FUT8: variants seen among roughly 807,000 people sequenced by gnomAD.
The protein encoded by FUT8 is alpha-(1,6)-fucosyltransferase.
FUT8 carries 29 observed loss-of-function variants against 71.3 expected under a neutral mutation model. That is an observed-to-expected ratio of 0.41 (90% CI 0.30 to 0.55). The LOEUF is 0.55. FUT8 is among the 20% of genes least tolerant of loss of function. The pLI is 0.34. For missense variants in FUT8, 544 were observed against 702.1 expected (o/e 0.77, Z 2.55); for synonymous variants, 254 against 239.3 (o/e 1.06, Z -0.57).
At chr14:65,702,763 A>C (rs1218257933) in intron 7 of FUT8, among the ~76,000 whole-genome samples, 1 of 149,782 alleles carries the variant, frequency 6.7e-6, no homozygotes, top group East Asian at 2.4e-4. Flanking sequence ...TTTTTTAAAC[A>C]GAGTTTTGGT....
chr14:65,552,598 C>T (rs1009726569), intron 2 of FUT8, among the ~76,000 whole-genome samples: 4 of 152,074 alleles, frequency 2.6e-5, no homozygotes, highest in African/African-American at 9.7e-5. Context: ...AGGATGCTTC[C>T]GAAGTGATCA....
intron 7 of FUT8, among the ~76,000 whole-genome samples, chr14:65,694,013 G>A (rs557815349): frequency 1.3e-5 from 2 of 148,902 alleles, no homozygotes; most frequent in South Asian, 2.1e-4. Context: ...TCGTTTTAAC[G>A]TCCACGTGAT....
chr14:65,654,201 G>A (rs1002591025), intron 6 of FUT8, among the ~76,000 whole-genome samples: 2 of 152,148 alleles, frequency 1.3e-5, no homozygotes, highest in African/African-American at 4.8e-5. Flanking sequence ...TAAAAAGTAG[G>A]AAGGTTTCTG....
intron 7 of FUT8, among the ~76,000 whole-genome samples, chr14:65,690,538 A>C (rs527345813): frequency 6.6e-6 from 1 of 151,640 alleles, no homozygotes; most frequent in Admixed American, 6.6e-5. Context: ...ATTTATTTAG[A>C]TTTTCTTTGG....
chr14:65,688,154 C>T (rs1893390979), intron 7 of FUT8, among the ~76,000 whole-genome samples: 1 of 152,138 alleles, frequency 6.6e-6, no homozygotes, highest in Non-Finnish European at 1.5e-5. Flanking sequence ...AATTCTCTTG[C>T]TTTTGCCAAA....
chr14:65,421,666 T>C (rs375949843), intron 1 of FUT8, among the ~76,000 whole-genome samples: 1 of 152,072 alleles, frequency 6.6e-6, no homozygotes, highest in South Asian at 2.1e-4. Flanking sequence ...CCGAGTCATC[T>C]TTTTAAATTC....
chr14:65,416,315 CT>C (rs60272967), intron 1 of FUT8, among the ~76,000 whole-genome samples: 9,461 of 143,768 alleles, frequency 0.066, 475 homozygotes, highest in South Asian at 0.2. Flanking sequence ...ATTATGGTAC[CT>C]TTTTTTTTTT....
intron 2 of FUT8, among the ~76,000 whole-genome samples, chr14:65,493,799 C>T (rs1395500277): frequency 1.3e-5 from 2 of 148,210 alleles, no homozygotes; most frequent in Admixed American, 1.3e-4. Context: ...AAATTTTCTC[C>T]TTTTTTTTTT....
chr14:65,392,725 T>A, the FUT8 span, among the ~76,000 whole-genome samples: 1 of 152,224 alleles, frequency 6.6e-6, no homozygotes, highest in Non-Finnish European at 1.5e-5. Flanking sequence ...TTACTTAAAA[T>A]GGCAGTGTTT....
rs895670762 is a variant in FUT8 at position 65,603,639 on chromosome 14, T to G, written c.204-12339T>G. On this transcript the variant is annotated intron_variant, in intron 3 of 10. Transcript: ENST00000673929. This position sits in a 1 kb window ranked among gnomAD's most constrained non-coding sequence, Gnocchi z 4.5. Reference sequence around the variant, plus strand: ...CTTTGGATCTTCTCTCTTCTTTTCTTGGTTAATCTTGCTAATGCTCTATCA... The same window carrying G: ...CTTTGGATCTTCTCTCTTCTTTTCTGGGTTAATCTTGCTAATGCTCTATCA... Among the ~76,000 whole-genome samples, 12 of 151,890 alleles carry G rather than the reference T, an allele frequency of 7.9e-5. No homozygotes were observed. The highest frequency in any genetic ancestry group is 2.9e-4 in the African/African-American group (12 of 41,392).
chr14:65,441,592 CA>C (rs1027923874), intron 1 of FUT8, among the ~76,000 whole-genome samples: 15 of 145,330 alleles, frequency 1.0e-4, no homozygotes, highest in South Asian at 2.2e-4. Context: ...AACACACACA[CA>C]AAAAAAAAAA....
At chr14:65,645,700 A>G (rs1273925088) in intron 6 of FUT8, among the ~76,000 whole-genome samples, 1 of 152,198 alleles carries the variant, frequency 6.6e-6, no homozygotes, top group Non-Finnish European at 1.5e-5. Flanking sequence ...AATTGTCTAC[A>G]CTACATTTTC....
chr14:65,624,417 A>G (rs913915349), intron 5 of FUT8, among the ~76,000 whole-genome samples: 9 of 152,194 alleles, frequency 5.9e-5, no homozygotes, highest in Non-Finnish European at 1.2e-4. Context: ...AAACATTGAC[A>G]TAAACTAATT....
intron 9 of FUT8, among the ~76,000 whole-genome samples, chr14:65,729,669 C>A (rs567499829): frequency 6.6e-6 from 1 of 152,240 alleles, no homozygotes; most frequent in South Asian, 2.1e-4. Context: ...CACATGCCAC[C>A]ACACTCAGCT....
intron 2 of FUT8, among the ~76,000 whole-genome samples, chr14:65,481,348 G>C (rs2066327683): frequency 6.6e-6 from 1 of 151,940 alleles, no homozygotes; most frequent in South Asian, 2.1e-4. Flanking sequence ...TGCTAATCAC[G>C]TGAACTCCTT....
At chr14:65,385,368 A>G in the FUT8 span, among the ~76,000 whole-genome samples, 6 of 126 alleles carry the variant, frequency 0.048, no homozygotes, top group Non-Finnish European at 0.083. Flanking sequence ...AAGTCACAGT[A>G]AACCAATTTT....
chr14:65,621,743 TAG>T (rs1889625801), intron 5 of FUT8, among the ~76,000 whole-genome samples: 1 of 152,158 alleles, frequency 6.6e-6, no homozygotes, highest in African/African-American at 2.4e-5. Flanking sequence ...GTATTTTTAG[TAG>T]AGACAGGGTT....
chr14:65,588,171 TTTCATC>T (rs1429337483), intron 3 of FUT8, among the ~76,000 whole-genome samples: 2 of 152,168 alleles, frequency 1.3e-5, no homozygotes, highest in Non-Finnish European at 2.9e-5. Context: ...TAACCTCCCT[TTTCATC>T]TTCATTTCCT....
At chr14:65,707,064 A>G (rs1471418460) in intron 7 of FUT8, among the ~76,000 whole-genome samples, 1 of 152,110 alleles carries the variant, frequency 6.6e-6, no homozygotes, top group Non-Finnish European at 1.5e-5. Context: ...AACTGGCCAT[A>G]CTTAAATTAT....
Sources: allele counts gnomAD v4.1 joint callset (sites outside exome capture counted in the v4.1 genomes callset), GRCh38; gene constraint gnomAD v4.1.1; non-coding constraint Gnocchi (gnomAD v3.1); transcripts MANE v1.5; gene names NCBI Gene and HGNC (gene_info 2026-07-23, HGNC 2026-07-21).